BFSP1: variants seen among roughly 807,000 people sequenced by gnomAD.
The protein encoded by BFSP1 is filensin.
A neutral mutation model predicts 43.9 loss-of-function variants in BFSP1; 38 were observed. The ratio of observed to expected loss-of-function variants is 0.87; its 90% CI spans 0.67 to 1.14. The LOEUF (loss-of-function observed/expected upper bound fraction) is 1.14. Among genes scored for constraint, BFSP1 ranks in the 50% most tolerant of loss-of-function variants. The pLI is 0.00. For synonymous variants in BFSP1, 352 were observed against 354.8 expected (o/e 0.99, Z 0.09); for missense variants, 850 against 875.1 (o/e 0.97, Z 0.36).
chr20:17,554,827 G>A (rs1259524703), intron 1 of BFSP1, among the ~76,000 whole-genome samples: 6 of 152,078 alleles, frequency 3.9e-5, no homozygotes, highest in East Asian at 1.9e-4. Flanking sequence ...TTCCCATAAC[G>A]TCTAAGAAAA....
At chr20:17,512,213 G>C in intron 3 of BFSP1, 145 bp from the exon 4 acceptor site, 1 of 620,342 alleles carries the variant, frequency 1.6e-6, no homozygotes, top group Non-Finnish European at 2.8e-6. Flanking sequence ...GGAGGAAGAA[G>C]AGACTGATGC....
At chr20:17,550,626 C>A (rs1219798423) in intron 1 of BFSP1, among the ~76,000 whole-genome samples, 2 of 152,046 alleles carry the variant, frequency 1.3e-5, no homozygotes, top group Non-Finnish European at 2.9e-5. Flanking sequence ...CTGCCCACCA[C>A]CACACCCGGC....
intron 1 of BFSP1, among the ~76,000 whole-genome samples, chr20:17,555,684 A>G (rs2034980028): frequency 6.6e-6 from 1 of 152,148 alleles, no homozygotes; most frequent in Non-Finnish European, 1.5e-5. Context: ...AAACAAAACA[A>G]TAAGAATTAC....
chr20:17,546,934 G>A (rs961342850), intron 1 of BFSP1, among the ~76,000 whole-genome samples: 11 of 148,868 alleles, frequency 7.4e-5, no homozygotes, highest in African/African-American at 2.7e-4. Flanking sequence ...TGAGGCAGGA[G>A]AATTGCTTGA....
At chr20:17,508,303 G>A (rs946155337) in intron 5 of BFSP1, among the ~76,000 whole-genome samples, 10 of 152,182 alleles carry the variant, frequency 6.6e-5, no homozygotes, top group African/African-American at 2.4e-4. Flanking sequence ...GACAGTTTGG[G>A]GCTTTTCTGT....
At chr20:17,556,041 T>A (rs774079241) in intron 1 of BFSP1, among the ~76,000 whole-genome samples, 4 of 152,110 alleles carry the variant, frequency 2.6e-5, no homozygotes, top group Non-Finnish European at 4.4e-5. Flanking sequence ...GAATAGATGG[T>A]AAAAATGACA....
At chr20:17,532,558 C>T (rs76189197), upstream of BFSP1, among the ~76,000 whole-genome samples, 94 of 151,908 alleles carry the variant, frequency 6.2e-4, 3 homozygotes, top group East Asian at 0.016. Flanking sequence ...TCAAGTGATC[C>T]GCCATTAATT....
At chr20:17,558,557 T>G (rs1361788539) in intron 1 of BFSP1, 1 of 957,822 alleles carries the variant, frequency 1.0e-6, no homozygotes, top group Non-Finnish European at 1.5e-6. Flanking sequence ...GAAATTTCCA[T>G]GAGTCATAAA....
intron 1 of BFSP1, among the ~76,000 whole-genome samples, chr20:17,544,024 T>C (rs2123565339): frequency 6.6e-6 from 1 of 152,334 alleles, no homozygotes; most frequent in South Asian, 2.1e-4. Context: ...AGCATCCGTC[T>C]TAGCTTGAAG....
intron 1 of BFSP1, chr20:17,569,065 A>C (rs1057472718): frequency 6.6e-6 from 1 of 152,090 alleles, no homozygotes; most frequent in Non-Finnish European, 1.5e-5. Flanking sequence ...GGCTGGCGCC[A>C]CCGTCCCGGG....
chr20:17,532,112 A>C (rs1205249890), upstream of BFSP1, among the ~76,000 whole-genome samples: 1 of 152,204 alleles, frequency 6.6e-6, no homozygotes, highest in Non-Finnish European at 1.5e-5. Context: ...GGAAAAAACA[A>C]ATAGAGCCCC....
chr20:17,551,791 T>C (rs1319886892), intron 1 of BFSP1, among the ~76,000 whole-genome samples: 1 of 152,166 alleles, frequency 6.6e-6, no homozygotes, highest in African/African-American at 2.4e-5. Context: ...AAGACCAGCC[T>C]GACCAACATG....
At chr20:17,511,725 C>T (rs569094357) in intron 4 of BFSP1, among the ~76,000 whole-genome samples, 1 of 147,176 alleles carries the variant, frequency 6.8e-6, no homozygotes, top group Non-Finnish European at 1.5e-5. Context: ...AAGAACAGCT[C>T]ATAATTCTCA....
chr20:17,536,145 A>C (rs1031878432), upstream of BFSP1, among the ~76,000 whole-genome samples: 1 of 152,228 alleles, frequency 6.6e-6, no homozygotes, highest in Non-Finnish European at 1.5e-5. Context: ...ACAAACTTGA[A>C]GGGGAAAAGA....
At chr20:17,548,076 GA>G (rs1010613483) in intron 1 of BFSP1, among the ~76,000 whole-genome samples, 3 of 143,676 alleles carry the variant, frequency 2.1e-5, no homozygotes, top group South Asian at 4.5e-4. Flanking sequence ...GGAAACGGGG[GA>G]AAAACAAATA....
chr20:17,527,334 AAG>A (rs1488560331), intron 1 of BFSP1, among the ~76,000 whole-genome samples: 1 of 152,232 alleles, frequency 6.6e-6, no homozygotes, highest in Non-Finnish European at 1.5e-5. Flanking sequence ...GGAAATATCT[AAG>A]AGTTTCCATA....
intron 1 of BFSP1, among the ~76,000 whole-genome samples, chr20:17,553,810 CACACACACACACACAT>C (rs1568717871): frequency 3.6e-5 from 4 of 111,874 alleles, no homozygotes; most frequent in African/African-American, 1.7e-4. Flanking sequence ...CACACACACA[CACACACACACACACAT>C]ATATATATAT....
upstream of BFSP1, among the ~76,000 whole-genome samples, chr20:17,534,906 G>A (rs941085667): frequency 6.6e-6 from 1 of 152,046 alleles, no homozygotes; most frequent in African/African-American, 2.4e-5. Context: ...TGTAGTCCCA[G>A]CTACTCGGGA....
intron 7 of BFSP1, 70 bp downstream of exon 7, chr20:17,496,868 G>A: frequency 7.6e-7 from 1 of 1,313,092 alleles, no homozygotes; most frequent in Non-Finnish European, 1.0e-6. Flanking sequence ...GAATGTTAAA[G>A]TCAGGAAGAG....
Sources: allele counts gnomAD v4.1 joint callset (sites outside exome capture counted in the v4.1 genomes callset), GRCh38; gene constraint gnomAD v4.1.1; transcripts MANE v1.5; gene names NCBI Gene and HGNC (gene_info 2026-07-23, HGNC 2026-07-21).